Variants in KANK1 observed in about 807,000 individuals in gnomAD.
The protein encoded by KANK1 is KN motif and ankyrin repeat domains 1.
KANK1 carries 109 observed loss-of-function variants against 106.2 expected under a neutral mutation model. That is an observed-to-expected ratio of 1.03 (90% CI 0.88 to 1.20). The LOEUF is 1.20. Among genes scored for constraint, KANK1 ranks in the 50% most tolerant of loss-of-function variants. The probability of loss-of-function intolerance (pLI) is 0.00; values close to 1 mark genes in which losing one functional copy is unlikely to be tolerated. For missense variants in KANK1, 2,399 were observed against 1,710.7 expected, an observed-to-expected ratio of 1.40 and a Z score of -7.10; for synonymous variants, 873 against 652.2, an observed-to-expected ratio of 1.34 and a Z score of -5.16.
intron 1 of KANK1, among the ~76,000 whole-genome samples, chr9:671,129 T>C (rs1045271729): frequency 6.6e-6 from 1 of 151,990 alleles, no homozygotes; most frequent in Non-Finnish European, 1.5e-5. Context: ...ATAATTCTTA[T>C]TTTGAGTGGC....
Position 712,920 on chromosome 9 carries a change from T to C in KANK1, c.2154T>C (p.Ala718=), listed in dbSNP as rs772446583. ...STQTVETRTV[A]VGEGRVKDIN... is the part of the protein sequence containing the mutation. ...AGACTGTGGAGACGCGGACAGTAGCTGTAGGAGAAGGCCGTGTCAAGGACA... is the reference window on the plus strand; with the variant it reads ...AGACTGTGGAGACGCGGACAGTAGCCGTAGGAGAAGGCCGTGTCAAGGACA... Residue 718 remains alanine, a synonymous_variant, in exon 3 of 12, where the codon GCT becomes GCC. Transcript: ENST00000382297. 1.2e-5 allele frequency: 19 copies of C among 1,613,894 alleles called. 1 individual carries two copies. In the South Asian group the frequency reaches 2.0e-4, roughly 17 times the overall value.
chr9:657,308 A>G (rs544047355), intron 1 of KANK1, among the ~76,000 whole-genome samples: 16 of 152,262 alleles, frequency 1.1e-4, no homozygotes, highest in Admixed American at 7.8e-4. Flanking sequence ...CATGTTGGTC[A>G]TTGTGAATAA....
chr9:682,751 T>C (rs1166172926), intron 2 of KANK1, among the ~76,000 whole-genome samples: 1 of 152,134 alleles, frequency 6.6e-6, no homozygotes, highest in Non-Finnish European at 1.5e-5. Flanking sequence ...GTAACTGTTG[T>C]GGGGCTTGAA....
chr9:671,102 A>G (rs1187673134), intron 1 of KANK1, among the ~76,000 whole-genome samples: 1 of 151,814 alleles, frequency 6.6e-6, no homozygotes, highest in African/African-American at 2.4e-5. Context: ...GCCAGCTTTC[A>G]TCTACATTTT....
intron 1 of KANK1, among the ~76,000 whole-genome samples, chr9:604,050 A>C (rs1828464236): frequency 6.7e-6 from 1 of 149,952 alleles, no homozygotes; most frequent in Non-Finnish European, 1.5e-5. Flanking sequence ...TTTGGGGAGG[A>C]GAATGGAGTG....
chr9:646,013 G>A (rs1270325440), intron 1 of KANK1, among the ~76,000 whole-genome samples: 1 of 150,842 alleles, frequency 6.6e-6, no homozygotes, highest in East Asian at 1.9e-4. Flanking sequence ...CAAGAGGTCT[G>A]AGGCATAGTA....
chr9:561,091 C>G (rs939642519), intron 1 of KANK1, among the ~76,000 whole-genome samples: 1 of 151,952 alleles, frequency 6.6e-6, no homozygotes, highest in Non-Finnish European at 1.5e-5. Context: ...AGAGGGTAAG[C>G]CAGGGAAATA....
upstream of KANK1, among the ~76,000 whole-genome samples, chr9:502,426 C>T (rs1029373291): frequency 1.3e-5 from 2 of 152,120 alleles, no homozygotes; most frequent in African/African-American, 4.8e-5. Context: ...TTGATTGATT[C>T]GTTTTGCTTA....
intron 1 of KANK1, among the ~76,000 whole-genome samples, chr9:530,033 G>C (rs2059987257): frequency 1.3e-5 from 2 of 152,196 alleles, no homozygotes; most frequent in South Asian, 4.1e-4. Context: ...TTAGGAGAAT[G>C]AGCATATTTT....
At chr9:555,407 C>G (rs1231322501) in intron 1 of KANK1, among the ~76,000 whole-genome samples, 1 of 152,192 alleles carries the variant, frequency 6.6e-6, no homozygotes, top group Admixed American at 6.5e-5. Context: ...TGATGATAAA[C>G]TCTTCCACTC....
At chr9:529,024 C>G (rs2059934712) in intron 1 of KANK1, among the ~76,000 whole-genome samples, 1 of 152,070 alleles carries the variant, frequency 6.6e-6, no homozygotes. Context: ...GTCTTGAACT[C>G]CTGGACTCAA....
rs945342129 is a variant in KANK1 at position 712,710 on chromosome 9, G to C, written c.1944G>C (p.Arg648=). Residue 648 remains arginine (R), a synonymous_variant, in exon 3 of 12, where the codon CGG becomes CGC. Transcript: ENST00000382297. ...GCTCTCCAAAGGAGTGCGCCTCCCG[G>C]GGCGTGAACACTGAGGCTGTTAGCC... ...TVCSPKECAS[R]GVNTEAVSQV... 1 of 1,614,006 alleles carries C rather than the reference G, an allele frequency of 6.2e-7. No homozygotes were observed. Among genetic ancestry groups the C allele is most frequent in the Non-Finnish European group, 8.5e-7 (1 of 1,179,968 alleles).
intron 1 of KANK1, among the ~76,000 whole-genome samples, chr9:595,714 G>T (rs1216194385): frequency 1.3e-5 from 2 of 151,650 alleles, no homozygotes; most frequent in African/African-American, 2.4e-5. Context: ...TAGAGGTGAA[G>T]TCTTGCTTTG....
chr9:592,758 T>C (rs1825283822), intron 1 of KANK1, among the ~76,000 whole-genome samples: 1 of 151,946 alleles, frequency 6.6e-6, no homozygotes. Context: ...CCCAAATGAA[T>C]AGCCACCTGC....
intron 1 of KANK1, among the ~76,000 whole-genome samples, chr9:553,629 C>T (rs962604587): frequency 5.3e-5 from 8 of 152,126 alleles, no homozygotes; most frequent in East Asian, 1.9e-4. Flanking sequence ...TGTAATGAAG[C>T]GTTTCCTTAT....
intron 1 of KANK1, among the ~76,000 whole-genome samples, chr9:564,062 CTTT>C (rs34396017): frequency 5.0e-5 from 7 of 140,200 alleles, no homozygotes; most frequent in Admixed American, 7.1e-5. Context: ...CACTTTCTTT[CTTT>C]TTTTTTTTTT....
chr9:473,011 G>A (rs146129512), intron 2 of KANK1, among the ~76,000 whole-genome samples: 137 of 152,320 alleles, frequency 9.0e-4, no homozygotes, highest in African/African-American at 3.0e-3. Flanking sequence ...CATGACAAAC[G>A]GGTATAGTCA....
At chr9:556,031 C>T (rs1254992624) in intron 1 of KANK1, among the ~76,000 whole-genome samples, 1 of 152,126 alleles carries the variant, frequency 6.6e-6, no homozygotes, top group African/African-American at 2.4e-5. Context: ...AATACTGCTG[C>T]AAAGTTGTTG....
At chr9:511,441 G>T (rs2059023046) in intron 1 of KANK1, among the ~76,000 whole-genome samples, 2 of 152,276 alleles carry the variant, frequency 1.3e-5, no homozygotes, top group South Asian at 2.1e-4. Flanking sequence ...CTTGCTGTGT[G>T]ACCTTTGGCA....
Sources: gnomAD v4.1 joint callset for allele counts (sites outside exome capture counted in the v4.1 genomes callset) on GRCh38, gnomAD v4.1.1 for gene constraint, MANE v1.5 for transcripts, NCBI Gene and HGNC (gene_info 2026-07-23, HGNC 2026-07-21) for gene names.